CUX2: variants seen among roughly 807,000 people sequenced by gnomAD.
CUX2 encodes the protein homeobox protein cut-like 2.
CUX2 carries 40 observed loss-of-function variants against 144.8 expected under a neutral mutation model. The ratio of observed to expected loss-of-function variants is 0.28; its 90% CI spans 0.21 to 0.36. The LOEUF is 0.36. Among genes scored for constraint, CUX2 ranks in the 10% least tolerant of loss-of-function variants. The pLI is 1.00. For synonymous variants in CUX2, 827 were observed against 875.6 expected (o/e 0.94, Z 0.98); for missense variants, 1,615 against 1,994.0 (o/e 0.81, Z 3.62).
At chr12:111,051,109 T>C (rs1592849971) in intron 1 of CUX2, among the ~76,000 whole-genome samples, 1 of 152,202 alleles carries the variant, frequency 6.6e-6, no homozygotes, top group Non-Finnish European at 1.5e-5. Flanking sequence ...CATAAATATA[T>C]ACAAATATTA....
chr12:111,066,536 C>CCTCT (rs1209262867), intron 1 of CUX2, among the ~76,000 whole-genome samples: 1 of 152,178 alleles, frequency 6.6e-6, no homozygotes, highest in African/African-American at 2.4e-5. Flanking sequence ...CTCTACCTTA[C>CCTCT]CTCTGCCTGG....
intron 1 of CUX2, among the ~76,000 whole-genome samples, chr12:111,118,004 G>A (rs908526274): frequency 1.3e-5 from 2 of 152,136 alleles, no homozygotes; most frequent in Admixed American, 1.3e-4. Context: ...TATTTCCCAG[G>A]TAAAGGCTGG....
At position 111,349,755 on chromosome 12, in the gene CUX2, T is replaced by C. The variant is rs976046904; in HGVS notation, c.*1430T>C. The C allele has an allele frequency of 3.3e-5, 5 of 152,206 alleles. No homozygotes were observed. The highest frequency in any genetic ancestry group is 1.2e-4 in the African/African-American group (5 of 41,444). The allele number at this position is 152,206 out of a possible 1,614,324, so 9.4% of individuals were successfully genotyped here. A position where few individuals can be genotyped will look rare whatever the true frequency, so the allele number is the denominator to read the frequency against. On this transcript the variant is annotated 3_prime_UTR_variant, in exon 22 of 22. Coordinates refer to ENST00000261726, the MANE Select transcript of CUX2 (RefSeq NM_015267.4). ...TATTGGTTACTGAATCTCTCTCCCT[T>C]GTTTTTATTACGTTTCCTTTTTCAA...
intron 1 of CUX2, among the ~76,000 whole-genome samples, chr12:111,156,468 G>A (rs1384333745): frequency 6.6e-6 from 1 of 152,166 alleles, no homozygotes; most frequent in African/African-American, 2.4e-5. Flanking sequence ...CCATCCTGGT[G>A]ACTCAGCCAG....
At chr12:111,094,482 C>A (rs1872711238) in intron 1 of CUX2, among the ~76,000 whole-genome samples, 1 of 152,240 alleles carries the variant, frequency 6.6e-6, no homozygotes, top group African/African-American at 2.4e-5. Context: ...GTTGCAACAG[C>A]ACCTAGCTTT....
chr12:111,174,773 C>G (rs1452698277), intron 1 of CUX2, among the ~76,000 whole-genome samples: 1 of 152,224 alleles, frequency 6.6e-6, no homozygotes, highest in East Asian at 1.9e-4. Flanking sequence ...GAACCCTAGA[C>G]AGCAACCACA....
At position 111,061,538 on chromosome 12, in the gene CUX2, A is replaced by T. The variant is rs1314965536; in HGVS notation, c.63+27298A>T. On this transcript the variant is annotated intron_variant, in intron 1 of 21. Coordinates refer to ENST00000261726, the MANE Select transcript of CUX2 (RefSeq NM_015267.4). This position sits in a 1 kb window ranked among gnomAD's most constrained non-coding sequence, Gnocchi z 4.2. The stretch of plus-strand genomic sequence containing the variant: ...AGAGGAAGAAGGAGACTGGAAGAAC[A>T]CCCTTTGGCATGGTGTGTGTTTCTG... 2.0e-5 allele frequency among the ~76,000 whole-genome samples: 3 copies of T among 151,906 alleles called. No individual in the cohort carries two copies. The highest frequency in any genetic ancestry group is 7.3e-5 in the African/African-American group (3 of 41,320).
intron 3 of CUX2, among the ~76,000 whole-genome samples, chr12:111,225,647 A>T (rs550492386): frequency 1.3e-5 from 2 of 152,276 alleles, no homozygotes; most frequent in South Asian, 2.1e-4. Context: ...GTGCAGAAGG[A>T]GCTGAGGATG....
chr12:111,139,181 T>C (rs1200477933), intron 1 of CUX2, among the ~76,000 whole-genome samples: 1 of 152,098 alleles, frequency 6.6e-6, no homozygotes, highest in African/African-American at 2.4e-5. Flanking sequence ...TGGGATGGTC[T>C]ACGAGGACCA....
At position 111,170,441 on chromosome 12, in the gene CUX2, G is replaced by GAAAA. The variant is rs66614071; in HGVS notation, c.64-43749_64-43746dup. On this transcript the variant is annotated intron_variant, in intron 1 of 21. Coordinates refer to ENST00000261726, the MANE Select transcript of CUX2 (RefSeq NM_015267.4). The stretch of plus-strand genomic sequence containing the variant: ...CAAAGCTCCGTCTCAAAGAAAGAAA[G>GAAAA]AAAAAAAAAAAAACTGCCCCCACCG... Among the ~76,000 whole-genome samples the GAAAA allele has an allele frequency of 1.7e-3, 245 of 140,218 alleles. 4 individuals carry two copies. Among genetic ancestry groups the GAAAA allele is most frequent in the African/African-American group, 5.2e-3 (195 of 37,638 alleles). The allele number at this position is 140,218 out of a possible 152,430, so 92.0% of individuals were successfully genotyped here. A position where few individuals can be genotyped will look rare whatever the true frequency, so the allele number is the denominator to read the frequency against.
intron 4 of CUX2, among the ~76,000 whole-genome samples, chr12:111,285,755 CTGAA>C (rs1276162332): frequency 2.0e-5 from 3 of 152,240 alleles, no homozygotes; most frequent in Non-Finnish European, 4.4e-5. Flanking sequence ...GTGGTGAAGA[CTGAA>C]TGAATTCTAA....
At chr12:111,324,445 G>T (rs73418751) in intron 18 of CUX2, among the ~76,000 whole-genome samples, 7 of 151,852 alleles carry the variant, frequency 4.6e-5, no homozygotes, top group Admixed American at 3.9e-4. Flanking sequence ...GCCAGGAAGA[G>T]GCAGGGCGTG....
intron 3 of CUX2, among the ~76,000 whole-genome samples, chr12:111,254,923 C>T (rs1592887489): frequency 6.6e-6 from 1 of 152,300 alleles, no homozygotes; most frequent in African/African-American, 2.4e-5. Context: ...GATCTTGGCT[C>T]ACTGCGACCT....
rs1430268300 is a variant in CUX2, at chr12:111,312,819, C to T, written c.2002+618C>T. Among the ~76,000 whole-genome samples, 6 of 152,194 alleles carry T rather than the reference C, an allele frequency of 3.9e-5. No individual in the cohort carries two copies. Among genetic ancestry groups the T allele is most frequent in the Admixed American group, 1.3e-4 (2 of 15,284 alleles). On this transcript the variant is annotated intron_variant, in intron 16 of 21. Coordinates refer to ENST00000261726, the MANE Select transcript of CUX2 (RefSeq NM_015267.4). The surrounding 1 kb of genome is among the most constrained non-coding windows in gnomAD (Gnocchi z 4.3). ...TCATGCCCAGCTGCCGTGCACTCCA[C>T]CCTGCGCCTCTGATGCTGTCCTTAC... is the stretch of plus-strand genomic sequence containing the variant.
At chr12:111,199,968 G>A (rs1880478942) in intron 1 of CUX2, among the ~76,000 whole-genome samples, 1 of 152,174 alleles carries the variant, frequency 6.6e-6, no homozygotes, top group Non-Finnish European at 1.5e-5. Context: ...GTGCTGCGTG[G>A]TACCCTGCTC....
At chr12:111,159,011 T>C (rs1877571362) in intron 1 of CUX2, among the ~76,000 whole-genome samples, 1 of 152,162 alleles carries the variant, frequency 6.6e-6, no homozygotes, top group Non-Finnish European at 1.5e-5. Flanking sequence ...GTGCTGTCCC[T>C]CAGGCCTGGG....
At chr12:111,167,882 A>G (rs1445805394) in intron 1 of CUX2, among the ~76,000 whole-genome samples, 2 of 151,984 alleles carry the variant, frequency 1.3e-5, no homozygotes, top group African/African-American at 2.4e-5. Context: ...TTTGTAGAGA[A>G]GGGGTGTCAC....
intron 1 of CUX2, among the ~76,000 whole-genome samples, chr12:111,168,769 C>T (rs1403276075): frequency 1.6e-4 from 24 of 152,114 alleles, no homozygotes. Context: ...TAATATGAGT[C>T]GATGGAAGTA....
chr12:111,126,699 G>A (rs969876504), intron 1 of CUX2, among the ~76,000 whole-genome samples: 4 of 152,124 alleles, frequency 2.6e-5, no homozygotes, highest in Admixed American at 1.3e-4. Context: ...TGGAGGCCCC[G>A]TCACAGATAC....
Sources: gnomAD v4.1 joint callset for allele counts (sites outside exome capture counted in the v4.1 genomes callset) on GRCh38, gnomAD v4.1.1 for gene constraint, Gnocchi (gnomAD v3.1) non-coding constraint, MANE v1.5 for transcripts, NCBI Gene and HGNC (gene_info 2026-07-23, HGNC 2026-07-21) for gene names.